Variants in RASAL2 observed in about 807,000 individuals in gnomAD.
RASAL2 encodes RAS protein activator like 2, also known as ras GTPase-activating protein nGAP.
Under a neutral mutation model 128.9 loss-of-function variants are expected in RASAL2, and 58 were observed. That is an observed-to-expected ratio of 0.45 (90% CI 0.36 to 0.56). The LOEUF is 0.56. Among genes scored for constraint, RASAL2 ranks in the 20% least tolerant of loss-of-function variants. The probability of loss-of-function intolerance (pLI) is 0.00; values close to 1 mark genes in which losing one functional copy is unlikely to be tolerated. For missense variants in RASAL2, 1,360 were observed against 1,601.6 expected, an observed-to-expected ratio of 0.85 and a Z score of 2.57; for synonymous variants, 561 against 580.8, an observed-to-expected ratio of 0.97 and a Z score of 0.49.
At chr1:178,334,204 A>G (rs1302612584) in intron 3 of RASAL2, among the ~76,000 whole-genome samples, 1 of 152,148 alleles carries the variant, frequency 6.6e-6, no homozygotes, top group African/African-American at 2.4e-5. Flanking sequence ...TTTAGAGGGA[A>G]TTTTTAACCT....
At position 178,420,686 on chromosome 1, in the gene RASAL2, G is replaced by A. The variant is rs57218463; in HGVS notation, c.674+66G>A. 0.01 allele frequency: 12,368 copies of A among 1,218,674 alleles called. 822 individuals are homozygous for A. In the African/African-American group the frequency reaches 0.15, roughly 15 times the overall value. The allele number at this position is 1,218,674 out of a possible 1,614,324, so 75.5% of individuals were successfully genotyped here. On this transcript the variant is annotated intron_variant, in intron 5 of 17. Coordinates refer to ENST00000367649, the MANE Select transcript of RASAL2 (RefSeq NM_170692.4). Reference sequence around the variant, plus strand: ...GAGTGAATTTTGTTAAGGCATTTTGGTCTATTCTGAATTTGAATCAATGAC... The same window carrying A: ...GAGTGAATTTTGTTAAGGCATTTTGATCTATTCTGAATTTGAATCAATGAC...
At chr1:178,422,065 CCAATT>C (rs1160433889) in intron 5 of RASAL2, among the ~76,000 whole-genome samples, 1 of 151,798 alleles carries the variant, frequency 6.6e-6, no homozygotes, top group African/African-American at 2.4e-5. Flanking sequence ...TAAAACACTC[CCAATT>C]CAATAGGCAA....
intron 5 of RASAL2, among the ~76,000 whole-genome samples, chr1:178,422,943 TTCCTATC>T (rs1416728849): frequency 2.6e-5 from 4 of 152,134 alleles, no homozygotes; most frequent in African/African-American, 9.6e-5. Flanking sequence ...CTCTTTATCT[TTCCTATC>T]TCCCCACATA....
Position 178,303,799 on chromosome 1 carries a change from G to T in RASAL2, c.457+3681G>T, listed in dbSNP as rs1667872767. ...CTCGTAGAAAATGAGCAAGAGGCTT[G>T]AACAGATATTTTAACGAAGAGTTCA... On this transcript the variant is annotated intron_variant, in intron 3 of 17. Transcript: ENST00000367649. Among the ~76,000 whole-genome samples, 3 of 152,008 alleles carry T rather than the reference G, an allele frequency of 2.0e-5. No individual in the cohort carries two copies. The South Asian group carries it at 6.2e-4, about 32-fold the overall frequency.
At chr1:178,309,128 T>G (rs899170304) in intron 3 of RASAL2, among the ~76,000 whole-genome samples, 136 of 152,282 alleles carry the variant, frequency 8.9e-4, no homozygotes, top group African/African-American at 3.2e-3. Context: ...CCTTGAACTT[T>G]ATGGTGATAT....
intron 3 of RASAL2, among the ~76,000 whole-genome samples, chr1:178,361,930 A>G (rs970841833): frequency 6.6e-6 from 1 of 151,986 alleles, no homozygotes; most frequent in African/African-American, 2.4e-5. Flanking sequence ...GGAACACGCA[A>G]CCTAGATCCC....
intron 3 of RASAL2, among the ~76,000 whole-genome samples, chr1:178,382,672 T>G (rs990496603): frequency 6.6e-6 from 1 of 152,182 alleles, no homozygotes; most frequent in South Asian, 2.1e-4. Context: ...ATGTAACTTA[T>G]GTAAAACATG....
chr1:178,208,933 A>G (rs1007460041), intron 1 of RASAL2, among the ~76,000 whole-genome samples: 3 of 152,126 alleles, frequency 2.0e-5, no homozygotes, highest in African/African-American at 7.2e-5. Flanking sequence ...AAGAACCTAC[A>G]TTGAAATATT....
chr1:178,455,279 G>T (rs1677688715), intron 12 of RASAL2, among the ~76,000 whole-genome samples: 1 of 152,152 alleles, frequency 6.6e-6, no homozygotes, highest in African/African-American at 2.4e-5. Context: ...AAAAGGAATA[G>T]ATTTGGTAGT....
intron 1 of RASAL2, among the ~76,000 whole-genome samples, chr1:178,242,517 T>A: frequency 7.0e-6 from 1 of 142,052 alleles, no homozygotes; most frequent in Non-Finnish European, 1.5e-5. Context: ...CTCTCCCCAC[T>A]CCTGGGCTCA....
intron 1 of RASAL2, among the ~76,000 whole-genome samples, chr1:178,185,124 T>A (rs899570197): frequency 4.0e-5 from 6 of 151,816 alleles, no homozygotes; most frequent in South Asian, 2.1e-4. Context: ...TTTTTTTTTT[T>A]AATTTTCAAA....
intron 1 of RASAL2, among the ~76,000 whole-genome samples, chr1:178,107,519 A>C (rs960736144): frequency 3.9e-5 from 6 of 152,180 alleles, no homozygotes; most frequent in African/African-American, 1.4e-4. Context: ...ATAAGTATAC[A>C]ATTTAATGAT....
At chr1:178,157,250 G>A (rs1271719587) in intron 1 of RASAL2, among the ~76,000 whole-genome samples, 1 of 152,126 alleles carries the variant, frequency 6.6e-6, no homozygotes, top group East Asian at 1.9e-4. Context: ...GTAGGCACTT[G>A]ATCTGGCAGT....
chr1:178,221,523 G>A (rs1571652821), intron 1 of RASAL2, among the ~76,000 whole-genome samples: 1 of 152,026 alleles, frequency 6.6e-6, no homozygotes, highest in South Asian at 2.1e-4. Flanking sequence ...TTGATAACAT[G>A]TACTTGAAAG....
At chr1:178,185,622 C>G (rs543686661) in intron 1 of RASAL2, among the ~76,000 whole-genome samples, 1 of 151,600 alleles carries the variant, frequency 6.6e-6, no homozygotes, top group African/African-American at 2.4e-5. Flanking sequence ...TTCCCAGCTC[C>G]CTTTTTGGTC....
chr1:178,325,151 T>A (rs1217694881), intron 3 of RASAL2, among the ~76,000 whole-genome samples: 6 of 152,194 alleles, frequency 3.9e-5, no homozygotes, highest in African/African-American at 1.4e-4. Flanking sequence ...TTAAAAAAAT[T>A]CTCCTTACAA....
At chr1:178,132,561 A>T (rs150076498) in intron 1 of RASAL2, among the ~76,000 whole-genome samples, 1 of 152,282 alleles carries the variant, frequency 6.6e-6, no homozygotes, top group Non-Finnish European at 1.5e-5. Context: ...CAAAGTAGTT[A>T]TTAGGTTGGT....
chr1:178,175,963 G>A (rs1044379941), intron 1 of RASAL2, among the ~76,000 whole-genome samples: 2 of 152,060 alleles, frequency 1.3e-5, no homozygotes, highest in African/African-American at 4.8e-5. Context: ...TGGTTGATGG[G>A]CACTTAGGTT....
intron 3 of RASAL2, among the ~76,000 whole-genome samples, chr1:178,378,859 AG>A (rs1672129958): frequency 6.6e-6 from 1 of 152,174 alleles, no homozygotes; most frequent in African/African-American, 2.4e-5. Flanking sequence ...TAACTCAACA[AG>A]TTAGATAATA....
Sources: gnomAD v4.1 joint callset for allele counts (sites outside exome capture counted in the v4.1 genomes callset) on GRCh38, gnomAD v4.1.1 for gene constraint, MANE v1.5 for transcripts, NCBI Gene and HGNC (gene_info 2026-07-23, HGNC 2026-07-21) for gene names.